ROBO1: variants seen among roughly 807,000 people sequenced by gnomAD.
ROBO1 encodes roundabout guidance receptor 1, also known as roundabout homolog 1.
A neutral mutation model predicts 195.9 loss-of-function variants in ROBO1; 149 were observed. That is an observed-to-expected ratio of 0.76 (90% CI 0.67 to 0.87). The LOEUF (loss-of-function observed/expected upper bound fraction) is 0.87, where lower values mean the gene tolerates loss of function less well. Ranked by LOEUF, ROBO1 falls within the 40% of genes least tolerant of loss-of-function variation. The pLI is 0.00. For synonymous variants in ROBO1, 816 were observed against 733.2 expected (o/e 1.11, Z -1.82); for missense variants, 1,933 against 2,068.3 (o/e 0.93, Z 1.27).
At chr3:79,538,780 C>G (rs1219024715) in intron 2 of ROBO1, among the ~76,000 whole-genome samples, 1 of 152,102 alleles carries the variant, frequency 6.6e-6, no homozygotes, top group Admixed American at 6.6e-5. Flanking sequence ...TCTTGCATCT[C>G]TTAAATGCCT....
intron 2 of ROBO1, among the ~76,000 whole-genome samples, chr3:79,569,878 C>A (rs1031444600): frequency 3.3e-5 from 5 of 151,872 alleles, no homozygotes; most frequent in African/African-American, 9.7e-5. Flanking sequence ...GAGAGACGAT[C>A]CCTTGAATCC....
At chr3:79,706,089 A>G (rs915826495) in intron 1 of ROBO1, among the ~76,000 whole-genome samples, 1 of 152,068 alleles carries the variant, frequency 6.6e-6, no homozygotes, top group African/African-American at 2.4e-5. Flanking sequence ...TATATAGACA[A>G]ACATGTCTGT....
At chr3:78,827,069 C>A in intron 4 of ROBO1, among the ~76,000 whole-genome samples, 1 of 151,938 alleles carries the variant, frequency 6.6e-6, no homozygotes, top group Admixed American at 6.6e-5. Flanking sequence ...ACATAGTCCT[C>A]AAATATAATT....
intron 2 of ROBO1, among the ~76,000 whole-genome samples, chr3:79,337,166 T>C (rs565135531): frequency 1.3e-5 from 2 of 152,282 alleles, no homozygotes; most frequent in East Asian, 1.9e-4. Flanking sequence ...CTATGGACTT[T>C]TGAGTTAATG....
At position 79,413,324 on chromosome 3, in the gene ROBO1, T is replaced by TG. The variant is rs751354572; in HGVS notation, c.88+176499dup. ...GGTAGAATAAATGATTAAAACAAGC[T>TG]GGGTATAAGGCAAGAGGGATAGGAG... On this transcript the variant is annotated intron_variant, in intron 2 of 30. Transcript: ENST00000464233. 4.0e-4 allele frequency among the ~76,000 whole-genome samples: 61 copies of TG among 151,978 alleles called. 3 individuals are homozygous for TG. Among genetic ancestry groups the TG allele is most frequent in the Admixed American group, 3.3e-3 (50 of 15,226 alleles).
chr3:78,900,911 A>G lies in ROBO1; in HGVS notation c.499+37690T>C, dbSNP rs2037543140. ...TATTAATTTGACAGAAGTTACAAAAAAGAAGATAAAATAGAAAATGAAATG... is the reference window on the plus strand; with the variant it reads ...TATTAATTTGACAGAAGTTACAAAAGAGAAGATAAAATAGAAAATGAAATG... On this transcript the variant is annotated intron_variant, in intron 4 of 30. Coordinates refer to ENST00000464233, the MANE Select transcript of ROBO1 (RefSeq NM_002941.4). Among the ~76,000 whole-genome samples the G allele has an allele frequency of 2.6e-5, 4 of 152,340 alleles. No homozygotes were observed. In the South Asian group the frequency reaches 8.3e-4, roughly 32 times the overall value.
At chr3:78,682,748 T>C (rs923956818) in intron 10 of ROBO1, among the ~76,000 whole-genome samples, 1 of 147,726 alleles carries the variant, frequency 6.8e-6, no homozygotes, top group Non-Finnish European at 1.5e-5. Context: ...ATATATTATA[T>C]ATAATATATA....
At chr3:79,693,693 C>A (rs968819153) in intron 1 of ROBO1, among the ~76,000 whole-genome samples, 2 of 151,736 alleles carry the variant, frequency 1.3e-5, no homozygotes, top group African/African-American at 4.8e-5. Flanking sequence ...CCCCTTCGAC[C>A]TTCCAAAGCA....
At chr3:79,228,765 A>G (rs558222853) in intron 2 of ROBO1, among the ~76,000 whole-genome samples, 5 of 152,274 alleles carry the variant, frequency 3.3e-5, no homozygotes, top group African/African-American at 1.2e-4. Context: ...ATAAAACCAT[A>G]TATCCTTTCA....
At chr3:79,381,773 T>C (rs553026608) in intron 2 of ROBO1, among the ~76,000 whole-genome samples, 5 of 152,038 alleles carry the variant, frequency 3.3e-5, no homozygotes, top group Non-Finnish European at 5.9e-5. Flanking sequence ...ATATGTAAAA[T>C]GCTATATATT....
chr3:79,307,493 G>A (rs2109081122), intron 2 of ROBO1, among the ~76,000 whole-genome samples: 1 of 152,002 alleles, frequency 6.6e-6, no homozygotes, highest in East Asian at 1.9e-4. Flanking sequence ...CACATTTCAG[G>A]ATTTTAATGG....
At chr3:79,580,700 C>A (rs2107787201) in intron 2 of ROBO1, among the ~76,000 whole-genome samples, 1 of 152,084 alleles carries the variant, frequency 6.6e-6, no homozygotes, top group African/African-American at 2.4e-5. Flanking sequence ...TGTACATCCG[C>A]ACACCCATAT....
intron 3 of ROBO1, among the ~76,000 whole-genome samples, chr3:79,024,543 C>A (rs933385232): frequency 1.3e-5 from 2 of 152,122 alleles, no homozygotes; most frequent in East Asian, 1.9e-4. Context: ...TTGTTTTGAA[C>A]CAAAGCACTT....
chr3:79,288,585 T>G (rs1344418140), intron 2 of ROBO1, among the ~76,000 whole-genome samples: 1 of 152,152 alleles, frequency 6.6e-6, no homozygotes, highest in East Asian at 1.9e-4. Flanking sequence ...CTGGAAATGT[T>G]TGAAATCAAG....
At chr3:79,705,709 T>C (rs1947749560) in intron 1 of ROBO1, among the ~76,000 whole-genome samples, 1 of 152,152 alleles carries the variant, frequency 6.6e-6, no homozygotes, top group South Asian at 2.1e-4. Context: ...TGAGAATATC[T>C]ACAAAATAAC....
rs574099088 is a variant in ROBO1, at chr3:78,624,183, T to C, written c.3875+3138A>G. ...GCGTATCATAAATCCAAGCAATATA[T>C]AAGTAGAGAAGAAAGATTGAAAGGA... On this transcript the variant is annotated intron_variant, in intron 26 of 30. Coordinates refer to ENST00000464233, the MANE Select transcript of ROBO1 (RefSeq NM_002941.4). 1.2e-4 allele frequency among the ~76,000 whole-genome samples: 18 copies of C among 152,242 alleles called. No homozygotes were observed. The South Asian group carries it at 3.3e-3, about 28-fold the overall frequency.
chr3:78,959,477 C>T (rs1292483111), intron 3 of ROBO1, among the ~76,000 whole-genome samples: 5 of 151,730 alleles, frequency 3.3e-5, no homozygotes, highest in African/African-American at 7.3e-5. Context: ...GGCAGAGACC[C>T]GAGAAAAAAT....
chr3:78,707,299 C>T (rs2081576513), intron 8 of ROBO1, among the ~76,000 whole-genome samples: 1 of 152,128 alleles, frequency 6.6e-6, no homozygotes, highest in South Asian at 2.1e-4. Context: ...CTTTGTGTCT[C>T]CCCTATTGCA....
At chr3:79,365,837 C>T (rs1167139433) in intron 2 of ROBO1, among the ~76,000 whole-genome samples, 7 of 148,978 alleles carry the variant, frequency 4.7e-5, no homozygotes, top group Non-Finnish European at 1.0e-4. Context: ...GCGGAGCTTG[C>T]AGTGAGCCGA....
Sources: gnomAD v4.1 joint callset for allele counts (sites outside exome capture counted in the v4.1 genomes callset) on GRCh38, gnomAD v4.1.1 for gene constraint, MANE v1.5 for transcripts, NCBI Gene and HGNC (gene_info 2026-07-23, HGNC 2026-07-21) for gene names.